The following METTL15 variants were observed in gnomAD, a reference collection of about 807,000 sequenced individuals.
The protein encoded by METTL15 is methyltransferase 15, mitochondrial 12S rRNA N4-cytidine.
METTL15 carries 34 observed loss-of-function variants against 38.3 expected under a neutral mutation model. The ratio of observed to expected loss-of-function variants is 0.89; its 90% CI spans 0.68 to 1.18. The LOEUF is 1.18. Among genes scored for constraint, METTL15 ranks in the 50% most tolerant of loss-of-function variants. The pLI is 0.00. For synonymous variants in METTL15, 162 were observed against 170.9 expected (o/e 0.95, Z 0.41); for missense variants, 438 against 498.4 (o/e 0.88, Z 1.15).
intron 3 of METTL15, among the ~76,000 whole-genome samples, chr11:28,135,707 C>T (rs1486457894): frequency 6.6e-6 from 1 of 152,180 alleles, no homozygotes; most frequent in Non-Finnish European, 1.5e-5. Flanking sequence ...TTAAAGAATA[C>T]TCACAAATAG....
intron 3 of METTL15, among the ~76,000 whole-genome samples, chr11:28,129,996 G>C (rs923014882): frequency 3.3e-5 from 5 of 152,078 alleles, no homozygotes; most frequent in African/African-American, 1.2e-4. Context: ...ATGGGGAAAA[G>C]AGAAGAGGGC....
intron 4 of METTL15, among the ~76,000 whole-genome samples, chr11:28,268,260 G>A (rs1590238745): frequency 7.1e-6 from 1 of 140,806 alleles, no homozygotes; most frequent in Admixed American, 7.2e-5. Flanking sequence ...AATAATAATT[G>A]TATAATACTA....
chr11:28,137,788 AT>A lies in METTL15; in HGVS notation c.270+24196del, dbSNP rs1010837568. 5.6e-4 allele frequency among the ~76,000 whole-genome samples: 81 copies of A among 143,694 alleles called. 1 individual carries two copies. Among genetic ancestry groups the A allele is most frequent in the South Asian group, 6.5e-4 (3 of 4,642 alleles). 94.3% of individuals were successfully genotyped at this position (143,694 alleles called of 152,430 possible). On this transcript the variant is annotated intron_variant, in intron 3 of 6. Coordinates refer to ENST00000407364, the MANE Select transcript of METTL15 (RefSeq NM_001113528.2). ...TGAACTAACAGGCATTACAGCTTTT[AT>A]TTTTTTTTTTTCAAAAAATATTGGA...
At chr11:28,340,987 A>C (rs1207357961) in intron 3 of METTL15, among the ~76,000 whole-genome samples, 1 of 152,250 alleles carries the variant, frequency 6.6e-6, no homozygotes, top group East Asian at 1.9e-4. Flanking sequence ...AATACTGTGC[A>C]GTCATAAAAA....
intron 6 of METTL15, among the ~76,000 whole-genome samples, chr11:28,325,285 A>T (rs1849597803): frequency 1.3e-5 from 2 of 152,190 alleles, no homozygotes; most frequent in Non-Finnish European, 2.9e-5. Context: ...CAAGATGTAA[A>T]CATCCTACCT....
intron 3 of METTL15, among the ~76,000 whole-genome samples, chr11:28,120,972 G>A (rs570711841): frequency 4.1e-4 from 63 of 152,184 alleles, no homozygotes; most frequent in Admixed American, 1.5e-3. Context: ...TGACAGTCAC[G>A]TCAGGGTAAA....
chr11:28,231,526 G>GTTAAACT (rs1853684334), intron 4 of METTL15, among the ~76,000 whole-genome samples: 1 of 151,726 alleles, frequency 6.6e-6, no homozygotes, highest in African/African-American at 2.4e-5. Context: ...TCATAATAAA[G>GTTAAACT]TTAAACTTTT....
intron 4 of METTL15, among the ~76,000 whole-genome samples, chr11:28,284,224 T>A (rs1856167970): frequency 6.6e-6 from 1 of 152,168 alleles, no homozygotes; most frequent in Non-Finnish European, 1.5e-5. Context: ...ACTTTCATAC[T>A]TGTACATTAT....
chr11:28,344,513 A>G (rs1849980893), intron 3 of METTL15, among the ~76,000 whole-genome samples: 1 of 152,200 alleles, frequency 6.6e-6, no homozygotes, highest in South Asian at 2.1e-4. Flanking sequence ...CTCCTGTACT[A>G]GAGAAACTTC....
chr11:28,171,374 A>C (rs1850851241), intron 3 of METTL15, among the ~76,000 whole-genome samples: 1 of 152,092 alleles, frequency 6.6e-6, no homozygotes, highest in Non-Finnish European at 1.5e-5. Flanking sequence ...TCCATGATAG[A>C]GGCAATATTA....
At chr11:28,398,687 T>C (rs1404848721) in intron 5 of METTL15, 1 of 152,114 alleles carries the variant, frequency 6.6e-6, no homozygotes, top group Non-Finnish European at 1.5e-5. Context: ...TTAGCTCCCA[T>C]TGTCACTTTT....
chr11:28,270,095 A>G (rs955870627), intron 4 of METTL15, among the ~76,000 whole-genome samples: 1 of 152,028 alleles, frequency 6.6e-6, no homozygotes, highest in Non-Finnish European at 1.5e-5. Context: ...AATTATTACT[A>G]CTGTTATTGT....
chr11:28,374,144 T>C (rs1278780243), intron 5 of METTL15, among the ~76,000 whole-genome samples: 1 of 152,188 alleles, frequency 6.6e-6, no homozygotes, highest in Non-Finnish European at 1.5e-5. Flanking sequence ...GACATGGCGA[T>C]GCGGGCTCTT....
chr11:28,337,146 T>C (rs1305027500), downstream of METTL15, among the ~76,000 whole-genome samples: 2 of 152,158 alleles, frequency 1.3e-5, no homozygotes, highest in African/African-American at 2.4e-5. Context: ...GTACAGCATG[T>C]TTGTGTTTTA....
At chr11:28,175,217 G>T (rs1466717439) in intron 3 of METTL15, among the ~76,000 whole-genome samples, 1 of 151,970 alleles carries the variant, frequency 6.6e-6, no homozygotes, top group Non-Finnish European at 1.5e-5. Context: ...TTGTCCTTGC[G>T]ATAGTTTGCT....
At chr11:28,356,597 G>A (rs1407567075) in intron 4 of METTL15, among the ~76,000 whole-genome samples, 3 of 152,198 alleles carry the variant, frequency 2.0e-5, no homozygotes, top group Admixed American at 6.5e-5. Flanking sequence ...TCTAACTGGG[G>A]CAGACAATAG....
intron 6 of METTL15, among the ~76,000 whole-genome samples, chr11:28,310,436 C>G (rs987411016): frequency 6.6e-6 from 1 of 151,954 alleles, no homozygotes; most frequent in Non-Finnish European, 1.5e-5. Flanking sequence ...TGTCTGATTG[C>G]TTCTCAATTC....
intron 6 of METTL15, among the ~76,000 whole-genome samples, chr11:28,447,984 C>T (rs545412365): frequency 3.3e-5 from 5 of 152,262 alleles, no homozygotes; most frequent in African/African-American, 1.2e-4. Flanking sequence ...CAGATCACAA[C>T]TTGGATCATA....
intron 3 of METTL15, among the ~76,000 whole-genome samples, chr11:28,184,013 C>T (rs758073017): frequency 6.6e-6 from 1 of 152,024 alleles, no homozygotes; most frequent in Admixed American, 6.6e-5. Flanking sequence ...GGAATTTATC[C>T]ATTTCTTCCA....
Sources: allele counts gnomAD v4.1 joint callset (sites outside exome capture counted in the v4.1 genomes callset), GRCh38; gene constraint gnomAD v4.1.1; transcripts MANE v1.5; gene names NCBI Gene and HGNC (gene_info 2026-07-23, HGNC 2026-07-21).